HAPLN1: variants seen among roughly 807,000 people sequenced by gnomAD.
The protein encoded by HAPLN1 is Cartilage link protein.
In HAPLN1, 13 loss-of-function variants were observed where a neutral mutation model predicts 36.5. That is an observed-to-expected ratio of 0.36 (90% CI 0.23 to 0.57). The LOEUF (loss-of-function observed/expected upper bound fraction) is 0.57, where lower values mean the gene tolerates loss of function less well. Ranked by LOEUF, HAPLN1 falls within the 20% of genes least tolerant of loss-of-function variation. The pLI, the probability that HAPLN1 is intolerant of heterozygous loss-of-function variation, is 0.83. For synonymous variants in HAPLN1, 202 were observed against 169.8 expected, an observed-to-expected ratio of 1.19 and a Z score of -1.48; for missense variants, 407 against 439.7, an observed-to-expected ratio of 0.93 and a Z score of 0.66.
intron 1 of HAPLN1, among the ~76,000 whole-genome samples, chr5:83,687,314 G>A (rs1580151074): frequency 6.6e-6 from 1 of 152,152 alleles, no homozygotes; most frequent in Non-Finnish European, 1.5e-5. Context: ...CGAACCTCTT[G>A]ACCACAATTT....
At chr5:83,720,608 C>G (rs972098252) in intron 1 of HAPLN1, among the ~76,000 whole-genome samples, 181 bp downstream of exon 1, 25 of 152,096 alleles carry the variant, frequency 1.6e-4, no homozygotes, top group African/African-American at 6.0e-4. Flanking sequence ...AATATTTTAT[C>G]CGACAATATG....
At chr5:83,694,083 C>T (rs1296788987) in intron 1 of HAPLN1, among the ~76,000 whole-genome samples, 11 of 151,658 alleles carry the variant, frequency 7.3e-5, no homozygotes, top group East Asian at 1.9e-4. Flanking sequence ...AAAGGATTTA[C>T]GTGAGGCAAA....
chr5:83,671,651 C>CA (rs1026598990), intron 2 of HAPLN1, among the ~76,000 whole-genome samples: 3 of 151,962 alleles, frequency 2.0e-5, no homozygotes, highest in African/African-American at 4.8e-5. Flanking sequence ...AATGCTATCA[C>CA]AAAAAAATTG....
intron 3 of HAPLN1, among the ~76,000 whole-genome samples, chr5:83,651,276 A>G (rs944017639): frequency 1.3e-5 from 2 of 152,200 alleles, no homozygotes; most frequent in African/African-American, 4.8e-5. Flanking sequence ...TCTTAATACT[A>G]CTAGCTCAAG....
intron 1 of HAPLN1, among the ~76,000 whole-genome samples, chr5:83,709,148 C>T (rs1303572792): frequency 6.6e-6 from 1 of 152,210 alleles, no homozygotes; most frequent in Non-Finnish European, 1.5e-5. Context: ...AGCCACCGTG[C>T]TCAGCCCAGT....
rs116043928 is a variant in HAPLN1 at position 83,661,912 on chromosome 5, A to G, written c.101-9088T>C. Reference sequence around the variant, plus strand: ...CTTTGATGTTGCTGTGTGTTCATGTATGGGTTTGGAGCACAAGAGCCAATC... The same window carrying G: ...CTTTGATGTTGCTGTGTGTTCATGTGTGGGTTTGGAGCACAAGAGCCAATC... On this transcript the variant is annotated intron_variant, in intron 2 of 4. Coordinates refer to ENST00000274341, the MANE Select transcript of HAPLN1 (RefSeq NM_001884.4). Among the ~76,000 whole-genome samples, 612 of 152,312 alleles carry G rather than the reference A, an allele frequency of 4.0e-3. 5 individuals carry two copies. The highest frequency in any genetic ancestry group is 0.014 in the African/African-American group (564 of 41,568).
intron 2 of HAPLN1, among the ~76,000 whole-genome samples, chr5:83,663,326 G>C (rs2112583490): frequency 6.6e-6 from 1 of 152,260 alleles, no homozygotes; most frequent in South Asian, 2.1e-4. Flanking sequence ...AATCATATGA[G>C]AAAAGTAATT....
At chr5:83,667,163 A>T (rs1003987835) in intron 2 of HAPLN1, among the ~76,000 whole-genome samples, 3 of 152,182 alleles carry the variant, frequency 2.0e-5, no homozygotes, top group African/African-American at 4.8e-5. Context: ...GTGTATATGC[A>T]TGGGTGCAAT....
rs1749687774 is a variant in HAPLN1, at chr5:83,641,380, G to C, written c.*116C>G. The C allele has an allele frequency of 7.0e-6, 6 of 857,370 alleles. No homozygotes were observed. The South Asian group carries it at 1.4e-4, about 20-fold the overall frequency. 53.1% of individuals were successfully genotyped at this position (857,370 alleles called of 1,614,324 possible). A position where few individuals can be genotyped will look rare whatever the true frequency, so the allele number is the denominator to read the frequency against. ...ATCTTTATGAAAATGACTCTTTACAGTAAGTAAAAAAGGGTTATCACAGTT... is the reference window on the plus strand; with the variant it reads ...ATCTTTATGAAAATGACTCTTTACACTAAGTAAAAAAGGGTTATCACAGTT... On this transcript the variant is annotated 3_prime_UTR_variant, in exon 5 of 5. Coordinates refer to ENST00000274341, the MANE Select transcript of HAPLN1 (RefSeq NM_001884.4).
At chr5:83,655,657 A>G (rs1180936074) in intron 2 of HAPLN1, among the ~76,000 whole-genome samples, 1 of 151,976 alleles carries the variant, frequency 6.6e-6, no homozygotes. Context: ...AACCTCCAAC[A>G]TGGCCTTGAG....
intron 1 of HAPLN1, among the ~76,000 whole-genome samples, chr5:83,685,254 A>G (rs866584100): frequency 1.3e-5 from 2 of 152,214 alleles, no homozygotes; most frequent in Admixed American, 6.5e-5. Context: ...GGTAGAAACT[A>G]TGTTTACTAC....
intron 1 of HAPLN1, among the ~76,000 whole-genome samples, chr5:83,708,158 T>C (rs1459143035): frequency 6.6e-6 from 1 of 152,244 alleles, no homozygotes; most frequent in Non-Finnish European, 1.5e-5. Context: ...GTATGGTGAC[T>C]CCTCAGAGAG....
chr5:83,651,878 A>G (rs1750071774), intron 3 of HAPLN1: 1 of 152,280 alleles, frequency 6.6e-6, no homozygotes, highest in South Asian at 2.1e-4. Flanking sequence ...AATGGCCTAC[A>G]TATTTAAGAA....
chr5:83,703,358 C>T (rs1353975128), intron 1 of HAPLN1: 1 of 152,086 alleles, frequency 6.6e-6, no homozygotes, highest in African/African-American at 2.4e-5. Flanking sequence ...TTAGTCATTA[C>T]ATTGTTTTTA....
At chr5:83,680,444 A>G (rs1750971871) in intron 1 of HAPLN1, among the ~76,000 whole-genome samples, 1 of 152,130 alleles carries the variant, frequency 6.6e-6, no homozygotes, top group South Asian at 2.1e-4. Flanking sequence ...AGTCTGGAAT[A>G]CCTATAGATA....
chr5:83,716,121 A>T (rs903763854), intron 1 of HAPLN1, among the ~76,000 whole-genome samples: 1 of 152,242 alleles, frequency 6.6e-6, no homozygotes, highest in East Asian at 1.9e-4. Context: ...GAGAAAAAAA[A>T]TTCACAGAGT....
chr5:83,697,528 A>G (rs1751420493), intron 1 of HAPLN1, among the ~76,000 whole-genome samples: 1 of 152,172 alleles, frequency 6.6e-6, no homozygotes, highest in Admixed American at 6.5e-5. Context: ...TTGTATGAAC[A>G]TATTTTTTGA....
intron 1 of HAPLN1, among the ~76,000 whole-genome samples, chr5:83,707,742 A>T (rs1751684750): frequency 6.6e-6 from 1 of 152,370 alleles, no homozygotes; most frequent in East Asian, 1.9e-4. Context: ...ATGGGATCCA[A>T]TTAAACTTAA....
intron 1 of HAPLN1, among the ~76,000 whole-genome samples, chr5:83,697,001 T>A (rs1751402950): frequency 6.6e-6 from 1 of 152,132 alleles, no homozygotes; most frequent in Admixed American, 6.6e-5. Context: ...CCAGAACATT[T>A]CCATCACCCG....
Sources: gnomAD v4.1 joint callset for allele counts (sites outside exome capture counted in the v4.1 genomes callset) on GRCh38, gnomAD v4.1.1 for gene constraint, MANE v1.5 for transcripts, NCBI Gene and HGNC (gene_info 2026-07-23, HGNC 2026-07-21) for gene names.